Variants in UMAD1 observed in about 807,000 individuals in gnomAD.
The protein encoded by UMAD1 is UBAP1-MVB12-associated (UMA) domain containing 1, also known as UBAP1-MVB12-associated (UMA)-domain containing protein 1.
Under a neutral mutation model 6.1 loss-of-function variants are expected in UMAD1, and 8 were observed. The ratio of observed to expected loss-of-function variants is 1.30; its 90% CI spans 0.76 to 2.35. UMAD1 has a LOEUF of 2.35. UMAD1 is among the 30% of genes most tolerant of loss of function. The pLI, the probability that UMAD1 is intolerant of heterozygous loss-of-function variation, is 0.00. For missense variants in UMAD1, 130 were observed against 78.4 expected, an observed-to-expected ratio of 1.66 and a Z score of -2.49; for synonymous variants, 56 against 31.4, an observed-to-expected ratio of 1.78 and a Z score of -2.61.
chr7:7,659,067 T>G (rs1451273788), intron 1 of UMAD1, among the ~76,000 whole-genome samples: 1 of 152,258 alleles, frequency 6.6e-6, no homozygotes, highest in African/African-American at 2.4e-5. Flanking sequence ...TATCCATTTC[T>G]TCTAGATTTT....
rs546153043 is a variant in UMAD1 at position 7,817,463 on chromosome 7, C to T, written c.156+15720C>T. Reference sequence around the variant, plus strand: ...AACTTTGGATAACCTCCTTACCTTTCGGTGCTAGAGTAATGGGAATATATT... The same window carrying T: ...AACTTTGGATAACCTCCTTACCTTTTGGTGCTAGAGTAATGGGAATATATT... On this transcript the variant is annotated intron_variant, in intron 3 of 3. Transcript: ENST00000682710. 1.2e-3 allele frequency among the ~76,000 whole-genome samples: 188 copies of T among 152,150 alleles called. 1 individual carries two copies. The highest frequency in any genetic ancestry group is 4.3e-3 in the African/African-American group (180 of 41,560).
At chr7:7,731,901 C>T (rs1781266572) in intron 2 of UMAD1, among the ~76,000 whole-genome samples, 2 of 152,250 alleles carry the variant, frequency 1.3e-5, no homozygotes, top group African/African-American at 4.8e-5. Flanking sequence ...CCTTAACTGA[C>T]CTGATGACCT....
At chr7:7,762,968 T>C (rs1035747127) in intron 2 of UMAD1, among the ~76,000 whole-genome samples, 1 of 152,184 alleles carries the variant, frequency 6.6e-6, no homozygotes, top group African/African-American at 2.4e-5. Context: ...AAATAGAGAA[T>C]ATCAGAGTGA....
At chr7:7,673,519 TTA>T (rs1165176565) in intron 2 of UMAD1, 66 bp downstream of exon 2, 9 of 663,976 alleles carry the variant, frequency 1.4e-5, no homozygotes, top group Non-Finnish European at 2.4e-5. Flanking sequence ...TACTTGAAAA[TTA>T]TATGATTGAT....
chr7:7,797,311 G>A (rs962686307), intron 2 of UMAD1, among the ~76,000 whole-genome samples: 1 of 152,166 alleles, frequency 6.6e-6, no homozygotes, highest in East Asian at 1.9e-4. Flanking sequence ...AGGCCCACCT[G>A]CAACATTCGA....
intron 2 of UMAD1, among the ~76,000 whole-genome samples, chr7:7,699,486 G>T (rs1432535193): frequency 2.0e-5 from 3 of 151,386 alleles, no homozygotes; most frequent in Non-Finnish European, 4.4e-5. Context: ...AAAAATAGTG[G>T]CACCAGACTG....
chr7:7,742,385 C>T (rs746818687), intron 2 of UMAD1: 63 of 586,998 alleles, frequency 1.1e-4, no homozygotes, highest in Non-Finnish European at 2.0e-4. Context: ...GGGCTGCCTC[C>T]GGAGTCGCAG....
intron 2 of UMAD1, among the ~76,000 whole-genome samples, chr7:7,800,672 T>C (rs1269798382): frequency 4.6e-5 from 7 of 152,204 alleles, no homozygotes; most frequent in African/African-American, 1.7e-4. Context: ...ACAATTTTCA[T>C]GAGACTTTTC....
intron 2 of UMAD1, among the ~76,000 whole-genome samples, chr7:7,773,409 T>C (rs1289203063): frequency 2.0e-5 from 3 of 152,216 alleles, no homozygotes; most frequent in African/African-American, 7.2e-5. Flanking sequence ...TTGATGTAGC[T>C]AAATGTGCAA....
intron 3 of UMAD1, among the ~76,000 whole-genome samples, chr7:7,815,688 A>T (rs903459671): frequency 2.0e-5 from 3 of 152,154 alleles, no homozygotes; most frequent in Admixed American, 2.0e-4. Context: ...CTTTTCAAAA[A>T]ATCTCTAACA....
chr7:7,786,127 T>C (rs1395654328), intron 2 of UMAD1, among the ~76,000 whole-genome samples: 1 of 152,208 alleles, frequency 6.6e-6, no homozygotes, highest in Non-Finnish European at 1.5e-5. Flanking sequence ...CAAGGGCATC[T>C]CCTACATTTA....
chr7:7,789,706 A>C (rs1782532401), intron 2 of UMAD1, among the ~76,000 whole-genome samples: 1 of 151,994 alleles, frequency 6.6e-6, no homozygotes, highest in Non-Finnish European at 1.5e-5. Flanking sequence ...AAGTAGCATC[A>C]TACAGTATTT....
intron 3 of UMAD1, among the ~76,000 whole-genome samples, chr7:7,857,959 T>C (rs1237715592): frequency 6.6e-6 from 1 of 152,230 alleles, no homozygotes; most frequent in African/African-American, 2.4e-5. Flanking sequence ...TGAAGTGAAA[T>C]GTCCTTATAC....
At chr7:7,665,900 G>A (rs1370663468) in intron 1 of UMAD1, among the ~76,000 whole-genome samples, 5 of 150,618 alleles carry the variant, frequency 3.3e-5, no homozygotes, top group Admixed American at 6.6e-5. Flanking sequence ...CGAATGGGAT[G>A]CATATGGCAG....
intron 3 of UMAD1, among the ~76,000 whole-genome samples, chr7:7,817,306 T>C (rs1015166301): frequency 2.0e-5 from 3 of 152,236 alleles, no homozygotes; most frequent in African/African-American, 7.2e-5. Context: ...TGACTCATCA[T>C]TGTTCCCTGT....
At chr7:7,650,453 A>G (rs998241362) in intron 1 of UMAD1, among the ~76,000 whole-genome samples, 3 of 152,158 alleles carry the variant, frequency 2.0e-5, no homozygotes, top group African/African-American at 7.2e-5. Context: ...TTACTCTTGT[A>G]ATGTCTGCTT....
intron 2 of UMAD1, among the ~76,000 whole-genome samples, chr7:7,773,846 C>T (rs1236036354): frequency 6.6e-6 from 1 of 152,118 alleles, no homozygotes; most frequent in Non-Finnish European, 1.5e-5. Context: ...AGCCCAAATG[C>T]TCTTACCATT....
chr7:7,703,512 T>A (rs867424807), intron 2 of UMAD1, among the ~76,000 whole-genome samples: 7 of 152,238 alleles, frequency 4.6e-5, no homozygotes, highest in Admixed American at 1.3e-4. Flanking sequence ...TTTATAAACA[T>A]CTTTTTGTAA....
At chr7:7,780,224 T>C (rs954662091) in intron 2 of UMAD1, among the ~76,000 whole-genome samples, 1 of 152,208 alleles carries the variant, frequency 6.6e-6, no homozygotes, top group Non-Finnish European at 1.5e-5. Context: ...ATCTCTCTTC[T>C]TCAAACTAAG....
Sources: gnomAD v4.1 joint callset for allele counts (sites outside exome capture counted in the v4.1 genomes callset) on GRCh38, gnomAD v4.1.1 for gene constraint, MANE v1.5 for transcripts, NCBI Gene and HGNC (gene_info 2026-07-23, HGNC 2026-07-21) for gene names.